NOX1: variants seen among roughly 807,000 people sequenced by gnomAD.
NOX1 encodes the protein NADPH oxidase 1.
A neutral mutation model predicts 42.5 loss-of-function variants in NOX1; 34 were observed. The ratio of observed to expected loss-of-function variants is 0.80; its 90% confidence interval spans 0.61 to 1.07. The LOEUF is 1.07. NOX1 is among the 50% of genes least tolerant of loss of function. The pLI, the probability that NOX1 is intolerant of heterozygous loss-of-function variation, is 0.00. For synonymous variants in NOX1, 143 were observed against 152.5 expected, an observed-to-expected ratio of 0.94 and a Z score of 0.46; for missense variants, 408 against 427.0, an observed-to-expected ratio of 0.96 and a Z score of 0.39.
At chrX:100,873,696 T>C (rs1395899992) in intron 1 of NOX1, among the ~76,000 whole-genome samples, 1 of 112,085 alleles carries the variant, frequency 8.9e-6, no homozygotes, top group African/African-American at 3.2e-5. Flanking sequence ...GTTTGCTATA[T>C]TTCTAGTGGT....
At chrX:100,863,707 G>C in intron 2 of NOX1, 112 bp from the exon 3 acceptor site, 1 of 1,064,392 alleles carries the variant, frequency 9.4e-7, no homozygotes, top group African/African-American at 1.9e-5. Flanking sequence ...GGCTACAGCT[G>C]CCTCTCCTCT....
rs189323544 is a variant in NOX1, at chrX:100,844,623, G to C, written c.1569-545C>G. On this transcript the variant is annotated intron_variant, in intron 12 of 12. Coordinates refer to ENST00000372966, the MANE Select transcript of NOX1 (RefSeq NM_007052.5). ...AAATTTTGTATTTTTATTAGAGATG[G>C]GGTTTCACCATGTTGGCCAGGCTGG... Among the ~76,000 whole-genome samples, 39 of 110,334 alleles carry C rather than the reference G, an allele frequency of 3.5e-4. No homozygotes were observed. In the East Asian group the frequency reaches 9.1e-3, roughly 26 times the overall value.
chrX:100,849,655 T>C (rs1403977576), intron 10 of NOX1, 117 bp downstream of exon 10: 1 of 749,877 alleles, frequency 1.3e-6, no homozygotes, highest in Non-Finnish European at 1.9e-6. Context: ...AAGTGATCAC[T>C]TATTCTCATA....
At chrX:100,849,216 A>G (rs912134013) in intron 11 of NOX1, 64 bp downstream of exon 11, 4 of 1,118,219 alleles carry the variant, frequency 3.6e-6, no homozygotes, top group Non-Finnish European at 4.9e-6. Flanking sequence ...ATCCATATGC[A>G]CTATCCTTTG....
At position 100,847,766 on chromosome X, in the gene NOX1, C is replaced by CAA. The variant is rs11404159; in HGVS notation, c.1568+862_1568+863dup. Among the ~76,000 whole-genome samples the CAA allele has an allele frequency of 8.5e-3, 516 of 60,374 alleles. 8 individuals are homozygous for CAA. The highest frequency in any genetic ancestry group is 0.014 in the South Asian group (12 of 877). 52.4% of individuals were successfully genotyped at this position (60,374 alleles called of 115,157 possible). ...GGGCGACAAGAGCGAAACTCCATCT[C>CAA]AAAAAAAAAAAAAAAAAAAGGTAAT... On this transcript the variant is annotated intron_variant, in intron 12 of 12. Transcript: ENST00000372966.
At chrX:100,859,917 A>G (rs948876888) in intron 7 of NOX1, among the ~76,000 whole-genome samples, 6 of 109,745 alleles carry the variant, frequency 5.5e-5, no homozygotes, top group Admixed American at 4.9e-4. Context: ...TTAGAAAATT[A>G]CTTTCTAAAT....
intron 7 of NOX1, chrX:100,855,424 T>A: frequency 6.0e-6 from 4 of 663,974 alleles, no homozygotes; most frequent in Non-Finnish European, 9.9e-6. Flanking sequence ...CCTCCCTTCA[T>A]GGGTCCAAAA....
intron 2 of NOX1, among the ~76,000 whole-genome samples, chrX:100,869,212 C>G (rs1381486990): frequency 1.8e-5 from 2 of 111,065 alleles, no homozygotes; most frequent in Admixed American, 9.6e-5. Context: ...GCATTGGTAG[C>G]TTGATGGGGA....
At position 100,843,547 on chromosome X, in the gene NOX1, A is replaced by C. The variant is rs1482646660; in HGVS notation, c.*405T>G. ...ATTTAAAAAGTCACCCTACTTAGAA[A>C]TCTTCTGTGGGGGTGGGAGGGACAA... is the stretch of plus-strand genomic sequence containing the variant. On this transcript the variant is annotated 3_prime_UTR_variant, in exon 13 of 13. Transcript: ENST00000372966. The C allele has an allele frequency of 1.1e-6, 1 of 940,840 alleles. No individual in the cohort carries two copies. Among genetic ancestry groups the C allele is most frequent in the South Asian group, 3.1e-5 (1 of 32,551 alleles). 77.5% of individuals were successfully genotyped at this position (940,840 alleles called of 1,213,427 possible).
In NOX1 at chrX:100,848,685, A is replaced by G. The variant is rs780943497; in HGVS notation, c.1513T>C (p.Phe505Leu). 1.1e-5 allele frequency: 13 copies of G among 1,209,119 alleles called. No homozygotes were observed. The African/African-American group carries it at 1.9e-4, about 18-fold the overall frequency. Reference sequence around the variant, plus strand: ...TCATTGTCCCACATTGGTCTCCCAAAGGAGGTTTTCTGTTTCAGACCTGTC... The same window carrying G: ...TCATTGTCCCACATTGGTCTCCCAAGGGAGGTTTTCTGTTTCAGACCTGTC... Reference protein sequence around the residue: ...IVTGLKQKTSFGRPMWDNEFS... With the variant: ...IVTGLKQKTSLGRPMWDNEFS... The change falls in exon 12 of 13, where the codon TTT becomes CTT. Residue 505 changes from phenylalanine to leucine, a missense_variant. Physicochemically the swap from Phe to Leu is conservative, Grantham distance 22. Transcript: ENST00000372966.
At chrX:100,855,995 C>T (rs1277742139) in intron 7 of NOX1, 11 of 1,101,538 alleles carry the variant, frequency 1.0e-5, no homozygotes, top group Non-Finnish European at 1.4e-5. Context: ...TTCCATTTTT[C>T]CAAACTGTTC....
chrX:100,856,327 A>C, intron 7 of NOX1: 1 of 650,107 alleles, frequency 1.5e-6, no homozygotes, highest in Non-Finnish European at 2.5e-6. Context: ...TCAAATCTCC[A>C]ATGAAGAGCT....
intron 1 of NOX1, among the ~76,000 whole-genome samples, chrX:100,871,353 T>C (rs1214468791): frequency 8.9e-6 from 1 of 112,095 alleles, no homozygotes; most frequent in Non-Finnish European, 1.9e-5. Flanking sequence ...TGCCATTTCT[T>C]GGACTAGAGC....
In NOX1 at chrX:100,849,312, G is replaced by A. The variant is rs932356206; in HGVS notation, c.1411C>T (p.Arg471Cys). 4.1e-6 allele frequency: 5 copies of A among 1,209,590 alleles called. No individual in the cohort carries two copies. Among genetic ancestry groups the A allele is most frequent in the African/African-American group, 1.7e-5 (1 of 57,197 alleles). The stretch of plus-strand genomic sequence containing the variant: ...CTGTCCCATCCGGTGAGGAAGAGAC[G>A]GTAGTTTAGAAAACCCACTTTGCCT... ...ELGKVGFLNYRLFLTGWDSNI... is the reference protein window; with the variant it reads ...ELGKVGFLNYCLFLTGWDSNI... The change falls in exon 11 of 13, where the codon CGT (arginine) becomes TGT (cysteine). Residue 471 changes from arginine (R) to cysteine (C), a missense_variant. By Grantham distance (180) the Arg-to-Cys change is radical. Transcript: ENST00000372966.
chrX:100,848,432 C>T (rs1217551856), intron 12 of NOX1, among the ~76,000 whole-genome samples, 198 bp downstream of exon 12: 1 of 111,395 alleles, frequency 9.0e-6, no homozygotes, highest in African/African-American at 3.3e-5. Context: ...GCTGGGATTA[C>T]AGGCATGTGC....
chrX:100,862,062 C>A (rs1318552428), intron 7 of NOX1, 109 bp downstream of exon 7: 8 of 912,971 alleles, frequency 8.8e-6, no homozygotes, highest in Non-Finnish European at 1.2e-5. Flanking sequence ...TAAGACCCAG[C>A]ACAGGACTGA....
chrX:100,863,066 G>A (rs924607352), intron 4 of NOX1, 93 bp downstream of exon 4: 7 of 718,936 alleles, frequency 9.7e-6, no homozygotes, highest in African/African-American at 4.2e-5. Flanking sequence ...CCCAGTGCTC[G>A]ATAAATATTT....
intron 7 of NOX1, among the ~76,000 whole-genome samples, chrX:100,856,796 C>T (rs1401384552): frequency 1.8e-5 from 2 of 111,486 alleles, no homozygotes; most frequent in East Asian, 5.7e-4. Context: ...TGGTCTCGAA[C>T]TCTTGAGCTC....
chrX:100,849,488 C>T, intron 10 of NOX1, 62 bp from the exon 11 acceptor site: 1 of 1,101,857 alleles, frequency 9.1e-7, no homozygotes, highest in Non-Finnish European at 1.2e-6. Context: ...ATTTATAGAG[C>T]CGCAAACTTT....
Sources: gnomAD v4.1 joint callset for allele counts (sites outside exome capture counted in the v4.1 genomes callset) on GRCh38, gnomAD v4.1.1 for gene constraint, MANE v1.5 for transcripts, NCBI Gene and HGNC (gene_info 2026-07-23, HGNC 2026-07-21) for gene names.